Variants in PTPRG observed in about 807,000 individuals in gnomAD.
PTPRG encodes protein tyrosine phosphatase receptor type G, also known as receptor-type tyrosine-protein phosphatase gamma.
PTPRG carries 102 observed loss-of-function variants against 165.3 expected under a neutral mutation model. That is an observed-to-expected ratio of 0.62 (90% CI 0.53 to 0.73). PTPRG has a LOEUF of 0.73. Among genes scored for constraint, PTPRG ranks in the 30% least tolerant of loss-of-function variants. PTPRG has a pLI of 0.00. For synonymous variants in PTPRG, 675 were observed against 669.5 expected (o/e 1.01, Z -0.13); for missense variants, 1,866 against 1,861.4 (o/e 1.00, Z -0.05).
intron 2 of PTPRG, among the ~76,000 whole-genome samples, chr3:61,765,679 C>G (rs530399862): frequency 2.6e-5 from 4 of 152,230 alleles, no homozygotes; most frequent in African/African-American, 7.2e-5. Context: ...CTACCGTGAT[C>G]CAGCTTTTTG....
At chr3:61,614,961 G>T (rs1477597794) in intron 1 of PTPRG, among the ~76,000 whole-genome samples, 1 of 152,142 alleles carries the variant, frequency 6.6e-6, no homozygotes, top group Admixed American at 6.5e-5. Context: ...GCTTCTGAAA[G>T]AACCTACCGC....
intron 17 of PTPRG, 86 bp from the exon 18 acceptor site, chr3:62,267,324 C>A: frequency 2.0e-6 from 2 of 1,012,760 alleles, no homozygotes; most frequent in South Asian, 1.5e-5. Context: ...TGTCATGTTA[C>A]CTGATTGCCT....
intron 1 of PTPRG, among the ~76,000 whole-genome samples, chr3:61,694,207 T>C (rs1346689380): frequency 3.9e-5 from 6 of 152,064 alleles, no homozygotes; most frequent in African/African-American, 1.4e-4. Context: ...ATTAATTCTT[T>C]AGGGAATGAC....
chr3:61,667,160 C>G (rs1468450782), intron 1 of PTPRG, among the ~76,000 whole-genome samples: 3 of 152,136 alleles, frequency 2.0e-5, no homozygotes, highest in South Asian at 4.1e-4. Context: ...CATAACAGAA[C>G]TCGAATCCTA....
intron 2 of PTPRG, among the ~76,000 whole-genome samples, chr3:61,834,834 T>G (rs955019745): frequency 6.6e-6 from 1 of 151,224 alleles, no homozygotes; most frequent in Non-Finnish European, 1.5e-5. Context: ...CATGAACATT[T>G]TGGTTCTGAT....
chr3:61,685,995 C>T (rs112284211), intron 1 of PTPRG, among the ~76,000 whole-genome samples: 3 of 152,198 alleles, frequency 2.0e-5, no homozygotes, highest in Admixed American at 6.5e-5. Context: ...TGAGTGGGAG[C>T]GCCGTGCTTC....
chr3:61,960,559 T>C (rs2040127540), intron 2 of PTPRG, among the ~76,000 whole-genome samples: 2 of 152,160 alleles, frequency 1.3e-5, no homozygotes, highest in African/African-American at 4.8e-5. Context: ...GGGATCTGTC[T>C]TGGGAACAAG....
intron 28 of PTPRG, among the ~76,000 whole-genome samples, chr3:62,283,918 T>C (rs1025640499): frequency 2.0e-5 from 3 of 152,044 alleles, no homozygotes; most frequent in Non-Finnish European, 4.4e-5. Context: ...AGCATTACAG[T>C]TGAAACATTA....
chr3:61,798,548 A>T (rs1310821465), intron 2 of PTPRG, among the ~76,000 whole-genome samples: 2 of 151,094 alleles, frequency 1.3e-5, no homozygotes, highest in Non-Finnish European at 2.9e-5. Context: ...TTTCACAGTC[A>T]CTTTGCATTT....
intron 1 of PTPRG, among the ~76,000 whole-genome samples, chr3:61,618,373 G>T (rs183966487): frequency 1.3e-5 from 2 of 152,292 alleles, no homozygotes; most frequent in Non-Finnish European, 2.9e-5. Flanking sequence ...GTGTGTGCCT[G>T]TGTGTGTGTC....
chr3:61,927,845 A>T (rs2039261837), intron 2 of PTPRG, among the ~76,000 whole-genome samples: 1 of 152,196 alleles, frequency 6.6e-6, no homozygotes, highest in Non-Finnish European at 1.5e-5. Context: ...CTGAAGATAC[A>T]GTTCCTCTGT....
rs561332122 is a variant in PTPRG at position 62,167,831 on chromosome 3, G to A, written c.841-140G>A. ...GCAGCCTCAGGTCCTGCTGGGTTTA[G>A]CAGCCCTGGCATTGGGCACTTCCTA... On this transcript the variant is annotated intron_variant, in intron 7 of 29. Transcript: ENST00000474889. 21 of 789,690 alleles carry A rather than the reference G, an allele frequency of 2.7e-5. No individual in the cohort carries two copies. The African/African-American group carries it at 3.7e-4, about 14-fold the overall frequency. 48.9% of individuals were successfully genotyped at this position (789,690 alleles called of 1,614,324 possible).
intron 3 of PTPRG, among the ~76,000 whole-genome samples, chr3:61,994,254 T>C (rs1417118803): frequency 6.6e-6 from 1 of 152,262 alleles, no homozygotes; most frequent in Non-Finnish European, 1.5e-5. Flanking sequence ...GTGCTTCTGA[T>C]GTATGTTAAT....
Position 62,123,339 on chromosome 3 carries a change from A to C in PTPRG, c.616-9263A>C, listed in dbSNP as rs535542605. Among the ~76,000 whole-genome samples the C allele has an allele frequency of 4.4e-4, 67 of 152,258 alleles. 1 individual carries two copies. Among genetic ancestry groups the C allele is most frequent in the Middle Eastern group, 3.4e-3 (1 of 294 alleles). ...TAGCTCACTGTAGCCACTAACTCCC[A>C]GGCTCCAGCTATCCTCCCGTCTCAG... On this transcript the variant is annotated intron_variant, in intron 5 of 29. Coordinates refer to ENST00000474889, the MANE Select transcript of PTPRG (RefSeq NM_002841.4).
intron 1 of PTPRG, among the ~76,000 whole-genome samples, chr3:61,608,527 G>A (rs1463969874): frequency 6.6e-6 from 1 of 152,162 alleles, no homozygotes; most frequent in Non-Finnish European, 1.5e-5. Flanking sequence ...ACTGCATGTG[G>A]CAGCCATCCT....
chr3:61,578,067 GTTA>G (rs928390370), intron 1 of PTPRG, among the ~76,000 whole-genome samples: 9 of 152,196 alleles, frequency 5.9e-5, no homozygotes, highest in African/African-American at 2.2e-4. Context: ...AAAAGCCGTT[GTTA>G]TTATTTTACC....
At chr3:61,962,957 A>G (rs1378260458) in intron 2 of PTPRG, among the ~76,000 whole-genome samples, 1 of 152,200 alleles carries the variant, frequency 6.6e-6, no homozygotes, top group Non-Finnish European at 1.5e-5. Flanking sequence ...AGTCAAAATA[A>G]TGTAAAAAGG....
At chr3:62,104,089 A>G (rs1702389715) in intron 5 of PTPRG, among the ~76,000 whole-genome samples, 1 of 152,232 alleles carries the variant, frequency 6.6e-6, no homozygotes, top group Non-Finnish European at 1.5e-5. Flanking sequence ...GCTTGCTGCT[A>G]CATGGGAGGG....
At chr3:61,996,081 A>G (rs1304922529) in intron 3 of PTPRG, among the ~76,000 whole-genome samples, 1 of 152,066 alleles carries the variant, frequency 6.6e-6, no homozygotes, top group Non-Finnish European at 1.5e-5. Context: ...TTCTTTCCTT[A>G]GAGCTGGCCA....
Sources: gnomAD v4.1 joint callset for allele counts (sites outside exome capture counted in the v4.1 genomes callset) on GRCh38, gnomAD v4.1.1 for gene constraint, MANE v1.5 for transcripts, NCBI Gene and HGNC (gene_info 2026-07-23, HGNC 2026-07-21) for gene names.